The following HDAC9 variants were observed in gnomAD, a reference collection of about 807,000 sequenced individuals.
HDAC9 encodes the protein MEF-2 interacting transcription repressor (MITR) protein.
A neutral mutation model predicts 139.4 loss-of-function variants in HDAC9; 41 were observed. The observed-to-expected ratio is 0.29, with a 90% CI of 0.23 to 0.38. The LOEUF (loss-of-function observed/expected upper bound fraction) is 0.38, where lower values mean the gene tolerates loss of function less well. Ranked by LOEUF, HDAC9 falls within the 10% of genes least tolerant of loss-of-function variation. The pLI is 1.00. For synonymous variants in HDAC9, 517 were observed against 476.2 expected (o/e 1.09, Z -1.12); for missense variants, 1,147 against 1,297.0 (o/e 0.88, Z 1.78).
intron 12 of HDAC9, among the ~76,000 whole-genome samples, chr7:18,710,195 C>T (rs1480016835): frequency 6.6e-6 from 1 of 152,070 alleles, no homozygotes; most frequent in East Asian, 1.9e-4. Flanking sequence ...AAACCCACCC[C>T]CATGATTCAG....
intron 25 of HDAC9, among the ~76,000 whole-genome samples, chr7:18,994,113 A>G (rs1243013503): frequency 6.6e-6 from 1 of 152,178 alleles, no homozygotes; most frequent in Non-Finnish European, 1.5e-5. Context: ...CCTCCACCAC[A>G]GAGACATGTG....
At chr7:18,750,701 A>G (rs1026683646) in intron 14 of HDAC9, among the ~76,000 whole-genome samples, 13 of 152,152 alleles carry the variant, frequency 8.5e-5, no homozygotes, top group African/African-American at 3.1e-4. Context: ...AGGCCAAACC[A>G]TTCTCTTTTC....
chr7:18,272,211 T>A (rs1207375563), intron 2 of HDAC9, among the ~76,000 whole-genome samples: 2 of 152,202 alleles, frequency 1.3e-5, no homozygotes, highest in Non-Finnish European at 2.9e-5. Flanking sequence ...AATATTTTCC[T>A]TGTTTCTGAA....
chr7:18,767,107 T>C lies in HDAC9; in HGVS notation c.2166T>C (p.Gly722=). Residue 722 remains glycine, a splice_region_variant and synonymous_variant, in exon 16 of 26, where the codon GGT becomes GGC. Coordinates refer to ENST00000686413, the MANE Select transcript of HDAC9 (RefSeq NM_178425.4). Reference sequence around the variant, plus strand: ...TTTTTATGTCTTCTTACTGTATAGGTGATGACTCTCAAAAGTTTTTTTCCT... The same window carrying C: ...TTTTTATGTCTTCTTACTGTATAGGCGATGACTCTCAAAAGTTTTTTTCCT... ...GQKLDPRILL[G]DDSQKFFSSL... 1 of 1,540,466 alleles carries C rather than the reference T, an allele frequency of 6.5e-7. No homozygotes were observed. The highest frequency in any genetic ancestry group is 8.9e-7 in the Non-Finnish European group (1 of 1,128,458).
At chr7:18,783,491 A>G (rs1262914922) in intron 16 of HDAC9, among the ~76,000 whole-genome samples, 3 of 152,098 alleles carry the variant, frequency 2.0e-5, no homozygotes, top group African/African-American at 7.2e-5. Context: ...ATTAGATTCA[A>G]CAGATCATGT....
At chr7:18,481,839 T>C (rs1173963704) in intron 1 of HDAC9, among the ~76,000 whole-genome samples, 1 of 152,188 alleles carries the variant, frequency 6.6e-6, no homozygotes, top group Non-Finnish European at 1.5e-5. Flanking sequence ...GTAGTCTGAA[T>C]GCTTGAGGTT....
At chr7:18,419,553 T>C (rs1158884125) in intron 1 of HDAC9, among the ~76,000 whole-genome samples, 1 of 150,352 alleles carries the variant, frequency 6.7e-6, no homozygotes, top group Non-Finnish European at 1.5e-5. Context: ...CTATTCACAA[T>C]CTCCAAAGAG....
chr7:18,711,360 A>G (rs1784333804), intron 12 of HDAC9, among the ~76,000 whole-genome samples: 2 of 152,228 alleles, frequency 1.3e-5, no homozygotes, highest in Admixed American at 6.5e-5. Context: ...AACTGAGTTA[A>G]TGTAAAGTCT....
chr7:18,952,388 A>G (rs1268002164), intron 23 of HDAC9, among the ~76,000 whole-genome samples: 2 of 151,978 alleles, frequency 1.3e-5, no homozygotes, highest in African/African-American at 2.4e-5. Flanking sequence ...CTTTCTTTCC[A>G]GGAGCCAGCA....
chr7:18,904,065 C>A (rs1419055915), intron 22 of HDAC9, among the ~76,000 whole-genome samples: 1 of 152,160 alleles, frequency 6.6e-6, no homozygotes, highest in Non-Finnish European at 1.5e-5. Flanking sequence ...TCCTGTCCTT[C>A]CCCAAACACC....
At chr7:18,673,654 A>G (rs888243633) in intron 12 of HDAC9, among the ~76,000 whole-genome samples, 1 of 152,008 alleles carries the variant, frequency 6.6e-6, no homozygotes, top group African/African-American at 2.4e-5. Flanking sequence ...TTTTATTTGT[A>G]TTTATGTTTC....
chr7:18,917,074 A>G (rs1167026598), intron 22 of HDAC9, among the ~76,000 whole-genome samples: 1 of 152,088 alleles, frequency 6.6e-6, no homozygotes, highest in Non-Finnish European at 1.5e-5. Flanking sequence ...ATATGCTCTT[A>G]GAAGTTCTGT....
intron 2 of HDAC9, among the ~76,000 whole-genome samples, chr7:18,527,868 T>C (rs1365119314): frequency 6.6e-6 from 1 of 152,202 alleles, no homozygotes; most frequent in Non-Finnish European, 1.5e-5. Flanking sequence ...GTTTACAGTT[T>C]ACAGTTCTGT....
intron 1 of HDAC9, among the ~76,000 whole-genome samples, chr7:18,302,770 A>G (rs1798626486): frequency 2.0e-5 from 3 of 152,188 alleles, no homozygotes; most frequent in Admixed American, 1.3e-4. Flanking sequence ...TGTCTAGTCT[A>G]TAGTACAGTG....
intron 12 of HDAC9, among the ~76,000 whole-genome samples, chr7:18,672,084 A>G (rs1054289828): frequency 1.3e-5 from 2 of 151,894 alleles, no homozygotes; most frequent in African/African-American, 4.8e-5. Context: ...TAGGAGTGAA[A>G]TTTCTGGGTA....
chr7:18,317,835 A>G (rs1306590333), intron 1 of HDAC9, among the ~76,000 whole-genome samples: 1 of 152,234 alleles, frequency 6.6e-6, no homozygotes. Flanking sequence ...AAAGTAGTCT[A>G]ACAGAAATAC....
At chr7:18,730,925 T>A (rs1483713023) in intron 13 of HDAC9, among the ~76,000 whole-genome samples, 4 of 152,094 alleles carry the variant, frequency 2.6e-5, no homozygotes, top group Non-Finnish European at 5.9e-5. Context: ...CATTATGAAG[T>A]AAAAAATAAT....
chr7:18,956,792 G>A (rs146920616), intron 24 of HDAC9, among the ~76,000 whole-genome samples: 1 of 152,138 alleles, frequency 6.6e-6, no homozygotes, highest in Non-Finnish European at 1.5e-5. Context: ...GATTGGTTAA[G>A]AAATGGGTAC....
intron 1 of HDAC9, among the ~76,000 whole-genome samples, chr7:18,124,223 TAAG>T (rs1394188099): frequency 6.6e-6 from 1 of 152,164 alleles, no homozygotes; most frequent in African/African-American, 2.4e-5. Context: ...TGTAGACAAA[TAAG>T]AAGGTGGAAT....
Sources: gnomAD v4.1 joint callset for allele counts (sites outside exome capture counted in the v4.1 genomes callset) on GRCh38, gnomAD v4.1.1 for gene constraint, MANE v1.5 for transcripts, NCBI Gene and HGNC (gene_info 2026-07-23, HGNC 2026-07-21) for gene names.